The following LDB2 variants were observed in gnomAD, a reference collection of about 807,000 sequenced individuals.
LDB2 encodes LIM domain-binding protein 2.
A neutral mutation model predicts 44.3 loss-of-function variants in LDB2; 12 were observed. The ratio of observed to expected loss-of-function variants is 0.27; its 90% CI spans 0.17 to 0.44. LDB2 has a LOEUF of 0.44. Ranked by LOEUF, LDB2 falls within the 20% of genes least tolerant of loss-of-function variation. LDB2 has a pLI of 1.00. For synonymous variants in LDB2, 164 were observed against 174.8 expected, an observed-to-expected ratio of 0.94 and a Z score of 0.49; for missense variants, 344 against 473.5, an observed-to-expected ratio of 0.73 and a Z score of 2.54.
At chr4:16,684,658 T>C (rs1402210329) in intron 2 of LDB2, among the ~76,000 whole-genome samples, 8 of 152,220 alleles carry the variant, frequency 5.3e-5, no homozygotes, top group Non-Finnish European at 5.9e-5. Context: ...AGATCTAATA[T>C]ATTCAGGTTT....
rs952870184 is a variant in LDB2 at position 16,706,476 on chromosome 4, A to G, written c.235+52682T>C. On this transcript the variant is annotated intron_variant, in intron 2 of 7. Transcript: ENST00000304523. The stretch of plus-strand genomic sequence containing the variant: ...CAGTCTGGGACTTCCCAATTCTAGA[A>G]CTGCGAGAAATAAATGTCTGTTGTT... Among the ~76,000 whole-genome samples the G allele has an allele frequency of 2.0e-5, 3 of 152,202 alleles. No homozygotes were observed. The East Asian group carries it at 5.8e-4, about 29-fold the overall frequency.
intron 1 of LDB2, among the ~76,000 whole-genome samples, chr4:16,791,392 T>C (rs934184621): frequency 1.3e-5 from 2 of 151,630 alleles, no homozygotes; most frequent in Non-Finnish European, 2.9e-5. Context: ...CCGACTCTAC[T>C]AAAAATACAA....
At chr4:16,891,314 T>C (rs1176446014) in intron 1 of LDB2, among the ~76,000 whole-genome samples, 1 of 124,434 alleles carries the variant, frequency 8.0e-6, no homozygotes, top group East Asian at 2.1e-4. Flanking sequence ...CTTTTTTTTT[T>C]TTTTTTTTTT....
At chr4:16,851,023 G>A (rs2110183942) in intron 1 of LDB2, among the ~76,000 whole-genome samples, 1 of 151,264 alleles carries the variant, frequency 6.6e-6, no homozygotes, top group African/African-American at 2.4e-5. Context: ...GTTAAGTGAG[G>A]GGAAAACTTG....
intron 5 of LDB2, among the ~76,000 whole-genome samples, chr4:16,519,551 A>G (rs1725180306): frequency 6.6e-6 from 1 of 151,416 alleles, no homozygotes; most frequent in Admixed American, 6.6e-5. Context: ...AATGGTATTG[A>G]TCGACAGAGC....
At chr4:16,846,647 T>C (rs1487504989) in intron 1 of LDB2, among the ~76,000 whole-genome samples, 1 of 152,160 alleles carries the variant, frequency 6.6e-6, no homozygotes, top group African/African-American at 2.4e-5. Context: ...GAAAAGCAAC[T>C]ACGGGTAAGC....
At chr4:16,711,208 A>C (rs1755792476) in intron 2 of LDB2, among the ~76,000 whole-genome samples, 1 of 152,214 alleles carries the variant, frequency 6.6e-6, no homozygotes, top group Non-Finnish European at 1.5e-5. Context: ...GTCAGAGAAA[A>C]CAGAAGGAGT....
At position 16,585,945 on chromosome 4, in the gene LDB2, T is replaced by C. The variant is rs766446655; in HGVS notation, c.592A>G (p.Asn198Asp). The C allele has an allele frequency of 6.2e-7, 1 of 1,613,728 alleles. No homozygotes were observed. The highest frequency in any genetic ancestry group is 1.7e-5 in the Admixed American group (1 of 60,006). Residue 198 changes from asparagine to aspartate, a missense_variant, in exon 5 of 8, where the codon AAC (asparagine) becomes GAC (aspartate). Transcript: ENST00000304523. The part of the protein sequence containing the change: ...SKNITRMGLT[N>D]FTLNYLRLCV... ...ACCCTGAGGTAGTTGAGGGTGAAGT[T>C]TGTTAGCCCCATCCTGGTGATGTTT...
intron 1 of LDB2, among the ~76,000 whole-genome samples, chr4:16,840,728 A>C (rs1183778551): frequency 1.3e-5 from 2 of 152,196 alleles, no homozygotes; most frequent in African/African-American, 4.8e-5. Flanking sequence ...ACTCACAAAG[A>C]CTGTCAAATG....
chr4:16,833,560 T>C (rs76363072), intron 1 of LDB2, among the ~76,000 whole-genome samples: 1 of 151,190 alleles, frequency 6.6e-6, no homozygotes, highest in African/African-American at 2.4e-5. Context: ...TTTTTTTTTT[T>C]TGAGACGGAG....
At chr4:16,585,531 C>T (rs1193904958) in intron 5 of LDB2, among the ~76,000 whole-genome samples, 2 of 152,122 alleles carry the variant, frequency 1.3e-5, no homozygotes, top group African/African-American at 4.8e-5. Flanking sequence ...CTCTATGGGG[C>T]AGTATATTGA....
chr4:16,520,298 GA>G (rs33952735), intron 5 of LDB2, among the ~76,000 whole-genome samples: 4 of 147,092 alleles, frequency 2.7e-5, no homozygotes, highest in Non-Finnish European at 6.0e-5. Context: ...GAATCTAAAA[GA>G]AAAAAAAAAC....
At chr4:16,692,481 G>T (rs1201766672) in intron 2 of LDB2, among the ~76,000 whole-genome samples, 1 of 152,160 alleles carries the variant, frequency 6.6e-6, no homozygotes, top group African/African-American at 2.4e-5. Flanking sequence ...GCGATGTACA[G>T]GTACTGGTGC....
chr4:16,779,577 A>G (rs1772709890), intron 1 of LDB2, among the ~76,000 whole-genome samples: 1 of 152,146 alleles, frequency 6.6e-6, no homozygotes, highest in Non-Finnish European at 1.5e-5. Flanking sequence ...CCTGGAGAAA[A>G]TGAAGGGCCA....
Position 16,533,367 on chromosome 4 carries a change from A to G in LDB2, c.616-21263T>C, listed in dbSNP as rs1196886453. 7.9e-5 allele frequency among the ~76,000 whole-genome samples: 12 copies of G among 152,194 alleles called. No individual in the cohort carries two copies. Among genetic ancestry groups the G allele is most frequent in the African/African-American group, 2.9e-4 (12 of 41,456 alleles). The stretch of plus-strand genomic sequence containing the variant: ...TGCAAAAATGGAAATAATAATAGCT[A>G]CCTCATGGATCTGAGGATACAAAGC... On this transcript the variant is annotated intron_variant, in intron 5 of 7. Transcript: ENST00000304523. This position sits in a 1 kb window ranked among gnomAD's most constrained non-coding sequence, Gnocchi z 4.1.
chr4:16,793,225 T>C (rs1405072415), intron 1 of LDB2, among the ~76,000 whole-genome samples: 1 of 152,228 alleles, frequency 6.6e-6, no homozygotes, highest in African/African-American at 2.4e-5. Context: ...CAAGCTTTTG[T>C]GCCCTTTTTT....
At chr4:16,705,991 C>A (rs1207194338) in intron 2 of LDB2, among the ~76,000 whole-genome samples, 1 of 151,996 alleles carries the variant, frequency 6.6e-6, no homozygotes, top group Non-Finnish European at 1.5e-5. Flanking sequence ...AATAAACAGG[C>A]AAATCTTGTG....
intron 5 of LDB2, among the ~76,000 whole-genome samples, chr4:16,548,042 T>C (rs1417923455): frequency 6.6e-6 from 1 of 151,916 alleles, no homozygotes; most frequent in Non-Finnish European, 1.5e-5. Context: ...CACTGCAACC[T>C]CTGCCTCCCA....
chr4:16,517,697 T>C (rs138801913), intron 5 of LDB2, among the ~76,000 whole-genome samples: 2 of 152,308 alleles, frequency 1.3e-5, no homozygotes, highest in African/African-American at 2.4e-5. Flanking sequence ...CCAGATAGGA[T>C]CCCTAAGAAA....
Sources: gnomAD v4.1 joint callset for allele counts (sites outside exome capture counted in the v4.1 genomes callset) on GRCh38, gnomAD v4.1.1 for gene constraint, Gnocchi (gnomAD v3.1) non-coding constraint, MANE v1.5 for transcripts, NCBI Gene and HGNC (gene_info 2026-07-23, HGNC 2026-07-21) for gene names.